The following BAIAP2L2 variants were observed in gnomAD, a reference collection of about 807,000 sequenced individuals.
BAIAP2L2 encodes the protein BAR/IMD domain-containing adapter protein 2-like 2.
A neutral mutation model predicts 60.4 loss-of-function variants in BAIAP2L2; 65 were observed. That is an observed-to-expected ratio of 1.08 (90% confidence interval 0.88 to 1.32). The LOEUF is 1.32. BAIAP2L2 is among the 40% of genes most tolerant of loss of function. The probability of loss-of-function intolerance (pLI) is 0.00; values close to 1 mark genes in which losing one functional copy is unlikely to be tolerated. For synonymous variants in BAIAP2L2, 344 were observed against 301.7 expected, an observed-to-expected ratio of 1.14 and a Z score of -1.45; for missense variants, 836 against 741.2, an observed-to-expected ratio of 1.13 and a Z score of -1.48.
intron 1 of BAIAP2L2, among the ~76,000 whole-genome samples, chr22:38,109,736 C>G (rs1383027776): frequency 1.3e-5 from 2 of 151,984 alleles, no homozygotes; most frequent in East Asian, 3.9e-4. Context: ...GCAGAGAGCT[C>G]CCCGGATGGT....
chr22:38,087,816 C>T (rs2086143249), intron 10 of BAIAP2L2, among the ~76,000 whole-genome samples: 1 of 151,970 alleles, frequency 6.6e-6, no homozygotes, highest in Non-Finnish European at 1.5e-5. Context: ...ACCACTCACA[C>T]CTCTCCAATC....
chr22:38,108,012 A>G, intron 3 of BAIAP2L2, 99 bp from the exon 4 acceptor site: 1 of 1,341,306 alleles, frequency 7.5e-7, no homozygotes, highest in Non-Finnish European at 1.0e-6. Context: ...CCTGCCCGAG[A>G]CTGGATTTTG....
rs779678871 is a variant in BAIAP2L2, at chr22:38,087,274, A to G, written c.1119-10T>C. ...GGGGAACCAACCGCTCCTGTGGGGT[A>G]GAGGCAGAGGACAATGACCAAAAGA... On this transcript the variant is annotated splice_polypyrimidine_tract_variant and intron_variant, in intron 10 of 13. Coordinates refer to ENST00000381669, the MANE Select transcript of BAIAP2L2 (RefSeq NM_025045.6). 1 of 1,596,714 alleles carries G rather than the reference A, an allele frequency of 6.3e-7. No homozygotes were observed. The highest frequency in any genetic ancestry group is 1.8e-5 in the Admixed American group (1 of 56,614).
chr22:38,092,781 A>AAGTGGTG (rs113714368), intron 7 of BAIAP2L2, among the ~76,000 whole-genome samples: 5 of 151,064 alleles, frequency 3.3e-5, no homozygotes, highest in African/African-American at 1.2e-4. Context: ...ATCTAGTGGG[A>AAGTGGTG]GGTGATGGGG....
intron 4 of BAIAP2L2, among the ~76,000 whole-genome samples, chr22:38,102,357 G>A (rs2086584740): frequency 6.6e-6 from 1 of 152,128 alleles, no homozygotes; most frequent in Non-Finnish European, 1.5e-5. Flanking sequence ...AGCATGAACG[G>A]AACCAGGAAA....
chr22:38,109,675 A>G (rs1163010823), intron 1 of BAIAP2L2, among the ~76,000 whole-genome samples: 1 of 151,896 alleles, frequency 6.6e-6, no homozygotes, highest in Non-Finnish European at 1.5e-5. Context: ...ACAGCCCCCC[A>G]TGGGCAAGGC....
intron 2 of BAIAP2L2, 72 bp from the exon 3 acceptor site, chr22:38,108,413 G>A: frequency 8.3e-7 from 1 of 1,211,702 alleles, no homozygotes; most frequent in African/African-American, 1.5e-5. Flanking sequence ...CTTTTCATCT[G>A]GAGGGGACTG....
rs868560844 is a variant in BAIAP2L2 at position 38,089,541 on chromosome 22, G to T, written c.746C>A (p.Thr249Lys). The change falls in exon 8 of 14, where the codon ACG (threonine) becomes AAG (lysine). Residue 249 changes from threonine to lysine, a missense_variant. Thr to Lys is a moderately conservative substitution (Grantham distance 78, BLOSUM62 -1). Transcript: ENST00000381669. ...CCTCACCATGTCCAGGCAGGTGGGC[G>T]TCAGGCGGCCCGAGGGGTAGGGCGG... ...LGPPYPSGRL[T>K]PTCLDMPPRP... is the part of the protein sequence containing the mutation. The T allele has an allele frequency of 4.1e-6, 5 of 1,221,488 alleles. No homozygotes were observed. Among genetic ancestry groups the T allele is most frequent in the African/African-American group, 1.6e-5 (1 of 63,710 alleles). The allele number at this position is 1,221,488 out of a possible 1,614,324, so 75.7% of individuals were successfully genotyped here. A position where few individuals can be genotyped will look rare whatever the true frequency, so the allele number is the denominator to read the frequency against.
Position 38,087,143 on chromosome 22 carries a change from C to A in BAIAP2L2, c.1240G>T (p.Gly414Trp), listed in dbSNP as rs200076100. 1.5e-6 allele frequency: 2 copies of A among 1,306,032 alleles called. No homozygotes were observed. Among genetic ancestry groups the A allele is most frequent in the South Asian group, 3.0e-5 (2 of 67,476 alleles). 80.9% of individuals were successfully genotyped at this position (1,306,032 alleles called of 1,614,324 possible). ...SMSPMTPMNP[G>W]NELPSRSYPL... ...AGGTACCTGGAAGGCAGCTCGTTCC[C>A]GGGGTTCATGGGTGTCATGGGGGAC... Residue 414 changes from glycine to tryptophan, a missense_variant, in exon 11 of 14, where the codon GGG (glycine) becomes TGG (tryptophan). Coordinates refer to ENST00000381669, the MANE Select transcript of BAIAP2L2 (RefSeq NM_025045.6).
At chr22:38,110,316 G>T (rs1352013282) in intron 1 of BAIAP2L2, among the ~76,000 whole-genome samples, 159 bp downstream of exon 1, 2 of 151,802 alleles carry the variant, frequency 1.3e-5, no homozygotes, top group Non-Finnish European at 2.9e-5. Context: ...TGCTCTCGGG[G>T]ATCCTTACCC....
chr22:38,105,554 G>A (rs1184687016), intron 4 of BAIAP2L2, among the ~76,000 whole-genome samples: 1 of 151,902 alleles, frequency 6.6e-6, no homozygotes, highest in South Asian at 2.1e-4. Context: ...TGTTGGCCAG[G>A]TTAGTCTCGA....
rs764879371 is a variant in BAIAP2L2, at chr22:38,098,020, C to T, written c.465+43G>A. On this transcript the variant is annotated intron_variant, in intron 6 of 13. Transcript: ENST00000381669. ...GCCCGGTCTCGCCCCGAGGTCTGCC[C>T]ACCCGCCCTTCCTGGCCCACCCCCG... 7 of 817,900 alleles carry T rather than the reference C, an allele frequency of 8.6e-6. 1 individual carries two copies. The highest frequency in any genetic ancestry group is 7.8e-5 in the South Asian group (5 of 64,446). The allele number at this position is 817,900 out of a possible 1,614,324, so 50.7% of individuals were successfully genotyped here.
rs755329860 is a variant in BAIAP2L2, at chr22:38,088,961, G to A, written c.905C>T (p.Ser302Leu). The change falls in exon 10 of 14, where the codon TCG becomes TTG. Residue 302 changes from serine (S) to leucine (L), a missense_variant. Physicochemically the swap from Ser to Leu is moderately radical, Grantham distance 145. Transcript: ENST00000381669. The stretch of plus-strand genomic sequence containing the variant: ...GCTTTGGGCGCTGCCGCTGTAGAGC[G>A]AGGCTGTGGGCGGGAGAGCGCGGCG... ...RSLPRTPSAS[S>L]LYSGSAQSSR... 33 of 1,520,604 alleles carry A rather than the reference G, an allele frequency of 2.2e-5. No homozygotes were observed. The East Asian group carries it at 3.5e-4, about 16-fold the overall frequency. The allele number at this position is 1,520,604 out of a possible 1,614,324, so 94.2% of individuals were successfully genotyped here. A position where few individuals can be genotyped will look rare whatever the true frequency, so the allele number is the denominator to read the frequency against.
intron 5 of BAIAP2L2, 101 bp downstream of exon 5, chr22:38,098,310 C>A: frequency 6.9e-7 from 1 of 1,441,470 alleles, no homozygotes; most frequent in Non-Finnish European, 9.7e-7. Context: ...ATCTGGGGCC[C>A]AGTCAGTGCT....
Position 38,110,662 on chromosome 22 carries a change from G to A in BAIAP2L2, c.-137C>T, listed in dbSNP as rs539233877. The A allele has an allele frequency of 2.8e-5, 18 of 643,902 alleles. 1 individual carries two copies. The South Asian group carries it at 3.6e-4, about 13-fold the overall frequency. The allele number at this position is 643,902 out of a possible 1,614,324, so 39.9% of individuals were successfully genotyped here. On this transcript the variant is annotated 5_prime_UTR_variant, in exon 1 of 14. Transcript: ENST00000381669. ...AGCCTCGGAGAGGGACCTGGAGATG[G>A]AGGCCTGCCTCAGAGGAGTGGCAGC...
At chr22:38,086,595 G>T (rs1046235008) in intron 11 of BAIAP2L2, 146 bp from the exon 12 acceptor site, 6 of 646,206 alleles carry the variant, frequency 9.3e-6, no homozygotes, top group Admixed American at 3.2e-5. Flanking sequence ...ACCGGAGGGA[G>T]GTCCTGAGAG....
At chr22:38,086,205 C>A in intron 12 of BAIAP2L2, 37 bp downstream of exon 12, 1 of 1,590,686 alleles carries the variant, frequency 6.3e-7, no homozygotes, top group East Asian at 2.3e-5. Context: ...CCTCCCTGCC[C>A]GCTGGAGGCC....
intron 7 of BAIAP2L2, chr22:38,091,563 T>C (rs1322407453): frequency 6.6e-6 from 1 of 152,126 alleles, no homozygotes; most frequent in Non-Finnish European, 1.5e-5. Context: ...GAAGAAACAC[T>C]GCATACGGTT....
At chr22:38,090,112 T>TTTTTTATTTTTA (rs1555964388) in intron 7 of BAIAP2L2, 1 of 89,194 alleles carries the variant, frequency 1.1e-5, no homozygotes, top group Non-Finnish European at 2.8e-5. Context: ...TTTTTTTTTT[T>TTTTTTATTTTTA]TTTTTTTTTT....
Sources: gnomAD v4.1 joint callset for allele counts (sites outside exome capture counted in the v4.1 genomes callset) on GRCh38, gnomAD v4.1.1 for gene constraint, MANE v1.5 for transcripts, NCBI Gene and HGNC (gene_info 2026-07-23, HGNC 2026-07-21) for gene names.